The following PGRMC2 variants were observed in gnomAD, a reference collection of about 807,000 sequenced individuals.
PGRMC2 encodes progesterone receptor membrane component 2.
Under a neutral mutation model 19.3 loss-of-function variants are expected in PGRMC2, and 9 were observed. The observed-to-expected ratio is 0.47, with a 90% confidence interval of 0.28 to 0.81. PGRMC2 has a LOEUF of 0.81. Ranked by LOEUF, PGRMC2 falls within the 40% of genes least tolerant of loss-of-function variation. The pLI is 0.11. For missense variants in PGRMC2, 289 were observed against 297.3 expected (o/e 0.97, Z 0.21); for synonymous variants, 157 against 124.6 (o/e 1.26, Z -1.73).
At chr4:128,287,224 TG>T in intron 1 of PGRMC2, 148 bp downstream of exon 1, 2 of 793,574 alleles carry the variant, frequency 2.5e-6, no homozygotes, top group Non-Finnish European at 1.9e-6. Context: ...AGGGGCGGGA[TG>T]GGCCGTCCCA....
At chr4:128,281,807 T>C (rs772732563) in intron 1 of PGRMC2, among the ~76,000 whole-genome samples, 2 of 152,240 alleles carry the variant, frequency 1.3e-5, no homozygotes, top group South Asian at 4.1e-4. Context: ...AAGAGGTTTC[T>C]AGTATGATCA....
intron 1 of PGRMC2, among the ~76,000 whole-genome samples, chr4:128,274,571 C>T (rs1176898684): frequency 6.7e-6 from 1 of 148,486 alleles, no homozygotes; most frequent in African/African-American, 2.5e-5. Context: ...TGTGTACATG[C>T]ACATGTGCGT....
In PGRMC2 at chr4:128,270,331, G is replaced by C. The variant is rs1427112200; in HGVS notation, c.*985C>G. On this transcript the variant is annotated 3_prime_UTR_variant, in exon 3 of 3. Coordinates refer to ENST00000296425, the MANE Select transcript of PGRMC2 (RefSeq NM_006320.6). ...TAGGCAGCTGTTGGGGATAAGAGTTGATTTGTTTTTCAATTTTTTTGAAAA... is the reference window on the plus strand; with the variant it reads ...TAGGCAGCTGTTGGGGATAAGAGTTCATTTGTTTTTCAATTTTTTTGAAAA... 1 of 152,558 alleles carries C rather than the reference G, an allele frequency of 6.6e-6. No individual in the cohort carries two copies. Among genetic ancestry groups the C allele is most frequent in the East Asian group, 1.9e-4 (1 of 5,200 alleles). The allele number at this position is 152,558 out of a possible 1,614,324, so 9.5% of individuals were successfully genotyped here. A position where few individuals can be genotyped will look rare whatever the true frequency, so the allele number is the denominator to read the frequency against.
rs748564154 is a variant in PGRMC2 at position 128,287,761 on chromosome 4, T to C, written c.30A>G (p.Leu10=). The change falls in exon 1 of 3, where the codon CTA becomes CTG. Residue 10 remains leucine (L), a synonymous_variant. Transcript: ENST00000296425. ...TCTCGCTGCCACTCCCCAGGGTGCC[T>C]AGCTTCACGTCCCCATCACCAGCCG... MAAGDGDVK[L]GTLGSGSESS... The C allele has an allele frequency of 1.4e-6, 2 of 1,472,092 alleles. No individual in the cohort carries two copies. Among genetic ancestry groups the C allele is most frequent in the Admixed American group, 1.8e-5 (1 of 57,028 alleles). The allele number at this position is 1,472,092 out of a possible 1,614,324, so 91.2% of individuals were successfully genotyped here.
At chr4:128,277,143 C>T (rs1208806578) in intron 1 of PGRMC2, among the ~76,000 whole-genome samples, 4 of 151,102 alleles carry the variant, frequency 2.6e-5, no homozygotes, top group Non-Finnish European at 4.4e-5. Context: ...GGCGACAGAG[C>T]GAGACTCCAT....
chr4:128,287,587 G>A lies in PGRMC2; in HGVS notation c.204C>T (p.Ala68=), dbSNP rs539018623. 2 of 1,522,632 alleles carry A rather than the reference G, an allele frequency of 1.3e-6. No individual in the cohort carries two copies. The highest frequency in any genetic ancestry group is 2.4e-5 in the South Asian group (2 of 82,824). 94.3% of individuals were successfully genotyped at this position (1,522,632 alleles called of 1,614,324 possible). A position where few individuals can be genotyped will look rare whatever the true frequency, so the allele number is the denominator to read the frequency against. The change falls in exon 1 of 3, where the codon GCC becomes GCT. Residue 68 remains alanine, a synonymous_variant. Transcript: ENST00000296425. ...GCCCCCAGCGCACCCACAGCCGGTA[G>A]GCCCCCAGCAGCACCAGAGCCACCA... ...VALVALVLLG[A]YRLWVRWGRR...
At chr4:128,277,157 A>AAAAC (rs56210271) in intron 1 of PGRMC2, among the ~76,000 whole-genome samples, 6,433 of 151,544 alleles carry the variant, frequency 0.042, 145 homozygotes, top group Non-Finnish European at 0.049. Flanking sequence ...ACTCCATCTC[A>AAAAC]AAACAAACAA....
rs76424154 is a variant in PGRMC2 at position 128,283,977 on chromosome 4, A to T, written c.418+3396T>A. On this transcript the variant is annotated intron_variant, in intron 1 of 2. Coordinates refer to ENST00000296425, the MANE Select transcript of PGRMC2 (RefSeq NM_006320.6). ...GCCTGGCCTTTATTTTTTTATTTTT[A>T]TTTTTTTTTTTTTAGTAGAGATGGG... is the stretch of plus-strand genomic sequence containing the variant. Among the ~76,000 whole-genome samples the T allele has an allele frequency of 1.3e-4, 19 of 144,784 alleles. No individual in the cohort carries two copies. The East Asian group carries it at 1.6e-3, about 12-fold the overall frequency. The allele number at this position is 144,784 out of a possible 152,430, so 95.0% of individuals were successfully genotyped here.
chr4:128,276,475 C>A (rs142990038), intron 1 of PGRMC2, among the ~76,000 whole-genome samples: 1 of 152,032 alleles, frequency 6.6e-6, no homozygotes, highest in African/African-American at 2.4e-5. Flanking sequence ...TGTGGCACCA[C>A]GCCCAGCTAA....
rs56210271 is a variant in PGRMC2, at chr4:128,277,157, AAAACAAACAAAC to A, written c.419-4652_419-4641del. Among the ~76,000 whole-genome samples, 655 of 151,556 alleles carry A rather than the reference AAAACAAACAAAC, an allele frequency of 4.3e-3. 3 individuals carry two copies. Among genetic ancestry groups the A allele is most frequent in the African/African-American group, 0.011 (444 of 41,098 alleles). On this transcript the variant is annotated intron_variant, in intron 1 of 2. Transcript: ENST00000296425. ...AGGCGACAGAGCGAGACTCCATCTC[AAAACAAACAAAC>A]AAACAAACAAACAAACAAACAAAAC... is the stretch of plus-strand genomic sequence containing the variant.
At chr4:128,279,615 G>C (rs943373935) in intron 1 of PGRMC2, among the ~76,000 whole-genome samples, 13 of 152,142 alleles carry the variant, frequency 8.5e-5, no homozygotes, top group African/African-American at 3.1e-4. Context: ...TGCAATAACA[G>C]GAGACTGAAA....
intron 1 of PGRMC2, among the ~76,000 whole-genome samples, chr4:128,277,016 G>C (rs1760824904): frequency 6.6e-6 from 1 of 152,152 alleles, no homozygotes; most frequent in Non-Finnish European, 1.5e-5. Context: ...AATTAGTCGG[G>C]CATGGTAGTG....
At chr4:128,281,639 G>T (rs1019430091) in intron 1 of PGRMC2, among the ~76,000 whole-genome samples, 4 of 152,074 alleles carry the variant, frequency 2.6e-5, no homozygotes, top group African/African-American at 9.7e-5. Flanking sequence ...AGCTATTAAA[G>T]GACATAGTGC....
At position 128,271,119 on chromosome 4, in the gene PGRMC2, C is replaced by A; in HGVS notation, c.*197G>T. On this transcript the variant is annotated 3_prime_UTR_variant, in exon 3 of 3. Coordinates refer to ENST00000296425, the MANE Select transcript of PGRMC2 (RefSeq NM_006320.6). ...ATGAAGCCCCACTAGACATTACAAACAACTGCAACAAATGAGTTTGGCAGC... is the reference window on the plus strand; with the variant it reads ...ATGAAGCCCCACTAGACATTACAAAAAACTGCAACAAATGAGTTTGGCAGC... 2 of 409,004 alleles carry A rather than the reference C, an allele frequency of 4.9e-6. No individual in the cohort carries two copies. The allele number at this position is 409,004 out of a possible 1,614,324, so 25.3% of individuals were successfully genotyped here.
intron 1 of PGRMC2, among the ~76,000 whole-genome samples, chr4:128,273,218 T>G (rs1760759131): frequency 1.3e-5 from 2 of 152,230 alleles, no homozygotes; most frequent in South Asian, 4.1e-4. Context: ...TGTCATGACT[T>G]TTGGAAAACA....
chr4:128,286,975 G>A (rs543214771), intron 1 of PGRMC2: 10 of 378,476 alleles, frequency 2.6e-5, no homozygotes. Flanking sequence ...CCCTTCCCTG[G>A]TGCCCCATCC....
In PGRMC2 at chr4:128,287,404, G is replaced by A. The variant is rs780944086; in HGVS notation, c.387C>T (p.Asp129=). Residue 129 remains aspartate, a synonymous_variant, in exon 1 of 3, where the codon GAC becomes GAT. Transcript: ENST00000296425. ...ILLAVNGKVF[D]VTKGSKFYGP... ...CGTAGAACTTGCTGCCTTTGGTCAC[G>A]TCGAAGACTTTCCCATTGACCGCGA... is the stretch of plus-strand genomic sequence containing the variant. 3.7e-6 allele frequency: 6 copies of A among 1,611,152 alleles called. No homozygotes were observed. The East Asian group carries it at 8.9e-5, about 24-fold the overall frequency.
At chr4:128,275,765 A>C (rs773569130) in intron 1 of PGRMC2, among the ~76,000 whole-genome samples, 19 of 152,282 alleles carry the variant, frequency 1.2e-4, no homozygotes, top group Non-Finnish European at 1.5e-4. Flanking sequence ...TTACTCTGTC[A>C]CCCAGGCTGG....
In PGRMC2 at chr4:128,272,075, CA is replaced by C. The variant is rs1262071569; in HGVS notation, c.574+286del. ...TTTTCAAAATAATTATCACATGTAACAATCATATTTTTATTTAGCTATTTTT... is the reference window on the plus strand; with the variant it reads ...TTTTCAAAATAATTATCACATGTAACATCATATTTTTATTTAGCTATTTTT... On this transcript the variant is annotated intron_variant, in intron 2 of 2. Transcript: ENST00000296425. Among the ~76,000 whole-genome samples, 3 of 152,090 alleles carry C rather than the reference CA, an allele frequency of 2.0e-5. No individual in the cohort carries two copies. The East Asian group carries it at 5.8e-4, about 29-fold the overall frequency.
Sources: gnomAD v4.1 joint callset for allele counts (sites outside exome capture counted in the v4.1 genomes callset) on GRCh38, gnomAD v4.1.1 for gene constraint, MANE v1.5 for transcripts, NCBI Gene and HGNC (gene_info 2026-07-23, HGNC 2026-07-21) for gene names.